ALPK1: variants seen among roughly 807,000 people sequenced by gnomAD.
ALPK1 encodes the protein alpha-protein kinase 1.
Under a neutral mutation model 120.6 loss-of-function variants are expected in ALPK1, and 110 were observed. The observed-to-expected ratio is 0.91, with a 90% CI of 0.78 to 1.07. ALPK1 has a LOEUF of 1.07. ALPK1 is among the 50% of genes least tolerant of loss of function. The probability of loss-of-function intolerance (pLI) is 0.00; values close to 1 mark genes in which losing one functional copy is unlikely to be tolerated. For synonymous variants in ALPK1, 582 were observed against 560.3 expected (o/e 1.04, Z -0.55); for missense variants, 1,498 against 1,483.9 (o/e 1.01, Z -0.16).
At chr4:112,438,443 C>T in intron 12 of ALPK1, 41 bp from the exon 13 acceptor site, 1 of 1,599,146 alleles carries the variant, frequency 6.3e-7, no homozygotes, top group Non-Finnish European at 8.5e-7. Context: ...GTAAGTAAGA[C>T]CACTTTTGCA....
chr4:112,357,243 T>A (rs1356275967), intron 2 of ALPK1: 4 of 1,463,192 alleles, frequency 2.7e-6, no homozygotes, highest in Non-Finnish European at 3.7e-6. Flanking sequence ...CTGGACCAGA[T>A]CATCCAGCAT....
intron 5 of ALPK1, among the ~76,000 whole-genome samples, chr4:112,412,905 G>A (rs374241058): frequency 2.0e-5 from 3 of 152,150 alleles, no homozygotes; most frequent in South Asian, 4.1e-4. Flanking sequence ...TGCTAAATAG[G>A]ACAATTGCTG....
rs77331024 is a variant in ALPK1, at chr4:112,397,893, G to A, written c.277-13934G>A. 6.5e-3 allele frequency among the ~76,000 whole-genome samples: 988 copies of A among 152,184 alleles called. 10 individuals are homozygous for A. The highest frequency in any genetic ancestry group is 0.022 in the African/African-American group (932 of 41,518). On this transcript the variant is annotated intron_variant, in intron 4 of 15. Coordinates refer to ENST00000650871, the MANE Select transcript of ALPK1 (RefSeq NM_025144.4). ...TTAGTGAATCTTTATTTAGATCCAC[G>A]AATCTGTACTGATAAAACATTACTG...
intron 2 of ALPK1, among the ~76,000 whole-genome samples, chr4:112,325,659 T>C (rs1729083668): frequency 6.6e-6 from 1 of 152,182 alleles, no homozygotes; most frequent in Non-Finnish European, 1.5e-5. Flanking sequence ...ACTTTTAGCC[T>C]CCCTGCCCCA....
Position 112,345,849 on chromosome 4 carries a change from G to A in ALPK1, c.-101+29997G>A, listed in dbSNP as rs577548690. Among the ~76,000 whole-genome samples the A allele has an allele frequency of 3.3e-5, 5 of 152,184 alleles. No homozygotes were observed. In the South Asian group the frequency reaches 1.0e-3, roughly 32 times the overall value. On this transcript the variant is annotated intron_variant, in intron 2 of 15. Transcript: ENST00000650871. ...AGACTCCATATAATTTCATTTCTAAGTATTTCAGAATGTATCCCTAAACGA... is the reference window on the plus strand; with the variant it reads ...AGACTCCATATAATTTCATTTCTAAATATTTCAGAATGTATCCCTAAACGA...
In ALPK1 at chr4:112,368,098, A is replaced by C. The variant is rs557239715; in HGVS notation, c.-100-9580A>C. Among the ~76,000 whole-genome samples, 19 of 152,226 alleles carry C rather than the reference A, an allele frequency of 1.2e-4. No individual in the cohort carries two copies. In the South Asian group the frequency reaches 2.3e-3, roughly 18 times the overall value. ...ACGCCTGGCTAATTTTTGTATTTTT[A>C]GTAGAGACAGGGTCTTGCCATGTTG... On this transcript the variant is annotated intron_variant, in intron 2 of 15. Coordinates refer to ENST00000650871, the MANE Select transcript of ALPK1 (RefSeq NM_025144.4).
Position 112,412,047 on chromosome 4 carries a change from G to A in ALPK1, c.475+22G>A, listed in dbSNP as rs1168643129. ...TCAGGTATGCTCCCTCCTGCTGGCC[G>A]CCCCCGCGTCCTCAGTGTCTTCTGG... is the stretch of plus-strand genomic sequence containing the variant. On this transcript the variant is annotated intron_variant, in intron 5 of 15. Coordinates refer to ENST00000650871, the MANE Select transcript of ALPK1 (RefSeq NM_025144.4). The A allele has an allele frequency of 3.1e-6, 5 of 1,612,174 alleles. No homozygotes were observed. The Admixed American group carries it at 5.0e-5, about 16-fold the overall frequency.
intron 4 of ALPK1, among the ~76,000 whole-genome samples, chr4:112,395,683 G>A (rs1180071542): frequency 6.6e-6 from 1 of 152,176 alleles, no homozygotes. Context: ...TGTTAAAATT[G>A]TAACATACTA....
At chr4:112,393,905 G>A (rs1367250299) in intron 4 of ALPK1, among the ~76,000 whole-genome samples, 1 of 150,256 alleles carries the variant, frequency 6.7e-6, no homozygotes, top group Non-Finnish European at 1.5e-5. Context: ...TTAGCCTGGT[G>A]TGCATACACA....
intron 5 of ALPK1, 151 bp downstream of exon 5, chr4:112,412,176 C>A: frequency 3.3e-6 from 3 of 903,374 alleles, no homozygotes; most frequent in Non-Finnish European, 5.1e-6. Context: ...CGCCCCTGTG[C>A]CCTTCCACCC....
At chr4:112,422,144 A>G (rs1203744646) in intron 5 of ALPK1, among the ~76,000 whole-genome samples, 4 of 152,260 alleles carry the variant, frequency 2.6e-5, no homozygotes, top group African/African-American at 9.6e-5. Flanking sequence ...TGTCCCAGGC[A>G]GGATGAGATT....
intron 4 of ALPK1, among the ~76,000 whole-genome samples, chr4:112,399,930 A>G (rs117089074): frequency 6.6e-6 from 1 of 152,282 alleles, no homozygotes; most frequent in East Asian, 1.9e-4. Context: ...ACATGGAGTC[A>G]TTCTTTTTTA....
At chr4:112,312,706 C>T (rs967239529) in intron 1 of ALPK1, among the ~76,000 whole-genome samples, 5 of 152,304 alleles carry the variant, frequency 3.3e-5, no homozygotes, top group African/African-American at 1.2e-4. Flanking sequence ...CTCTCGTTTG[C>T]AAGCCAGGAG....
chr4:112,328,506 G>C (rs953126633), intron 2 of ALPK1, among the ~76,000 whole-genome samples: 4 of 152,176 alleles, frequency 2.6e-5, no homozygotes, highest in Admixed American at 6.5e-5. Flanking sequence ...TGCCATTGTT[G>C]AGTATTTGTT....
intron 11 of ALPK1, among the ~76,000 whole-genome samples, chr4:112,434,032 T>C (rs868676193): frequency 6.6e-5 from 10 of 152,294 alleles, no homozygotes; most frequent in South Asian, 6.2e-4. Flanking sequence ...ACAAATCACA[T>C]TGTTACCAAA....
At chr4:112,338,758 G>A (rs576842456) in intron 2 of ALPK1, among the ~76,000 whole-genome samples, 1 of 152,210 alleles carries the variant, frequency 6.6e-6, no homozygotes, top group South Asian at 2.1e-4. Flanking sequence ...CGTGAATATA[G>A]ATATTGCCAG....
chr4:112,434,281 C>A (rs766098461), intron 11 of ALPK1, among the ~76,000 whole-genome samples: 1 of 152,156 alleles, frequency 6.6e-6, no homozygotes, highest in Non-Finnish European at 1.5e-5. Context: ...GACAACTCAC[C>A]TTCCATTTCC....
At chr4:112,338,674 A>C (rs1422384348) in intron 2 of ALPK1, among the ~76,000 whole-genome samples, 3 of 152,232 alleles carry the variant, frequency 2.0e-5, no homozygotes. Flanking sequence ...GGTCTTTCAG[A>C]GTATGTTTTA....
chr4:112,406,962 G>T (rs1234978139), intron 4 of ALPK1, among the ~76,000 whole-genome samples: 1 of 152,002 alleles, frequency 6.6e-6, no homozygotes, highest in African/African-American at 2.4e-5. Flanking sequence ...AGTTTTTCTG[G>T]GTCTTTGGGT....
Sources: gnomAD v4.1 joint callset for allele counts (sites outside exome capture counted in the v4.1 genomes callset) on GRCh38, gnomAD v4.1.1 for gene constraint, MANE v1.5 for transcripts, NCBI Gene and HGNC (gene_info 2026-07-23, HGNC 2026-07-21) for gene names.